The following SGCD variants were observed in gnomAD, a reference collection of about 807,000 sequenced individuals.
SGCD encodes the protein delta-sarcoglycan.
SGCD carries 18 observed loss-of-function variants against 36.6 expected under a neutral mutation model. The observed-to-expected ratio is 0.49, with a 90% CI of 0.34 to 0.73. The LOEUF (loss-of-function observed/expected upper bound fraction) is 0.73, where lower values mean the gene tolerates loss of function less well. Ranked by LOEUF, SGCD falls within the 30% of genes least tolerant of loss-of-function variation. The pLI is 0.01. For missense variants in SGCD, 387 were observed against 346.7 expected (o/e 1.12, Z -0.92); for synonymous variants, 133 against 130.6 (o/e 1.02, Z -0.12).
chr5:156,350,354 G>C (rs944177199), intron 3 of SGCD, among the ~76,000 whole-genome samples: 1 of 150,838 alleles, frequency 6.6e-6, no homozygotes, highest in South Asian at 2.1e-4. Flanking sequence ...ATTTGGGAAA[G>C]CTCACACTGT....
intron 3 of SGCD, among the ~76,000 whole-genome samples, chr5:156,293,114 C>T (rs2127679199): frequency 6.6e-6 from 1 of 151,808 alleles, no homozygotes; most frequent in East Asian, 1.9e-4. Context: ...GGCTGAAGTG[C>T]AGTGGCTATT....
At chr5:155,811,194 T>A in the SGCD span, among the ~76,000 whole-genome samples, 1 of 152,112 alleles carries the variant, frequency 6.6e-6, no homozygotes, top group Non-Finnish European at 1.5e-5. Context: ...GATCATTATG[T>A]TTTCCCAAAA....
intron 3 of SGCD, among the ~76,000 whole-genome samples, chr5:156,239,456 T>A (rs1337698871): frequency 1.3e-5 from 2 of 149,526 alleles, no homozygotes; most frequent in Admixed American, 1.3e-4. Context: ...AATAGTATAG[T>A]GCAAAGTAGT....
intron 6 of SGCD, among the ~76,000 whole-genome samples, chr5:156,627,887 G>GC (rs890434161): frequency 6.6e-6 from 1 of 152,126 alleles, no homozygotes; most frequent in African/African-American, 2.4e-5. Flanking sequence ...TGGAAAGACT[G>GC]CCCCATCACC....
chr5:156,146,765 A>C (rs1386779665), intron 3 of SGCD, among the ~76,000 whole-genome samples: 1 of 152,254 alleles, frequency 6.6e-6, no homozygotes, highest in Non-Finnish European at 1.5e-5. Context: ...AGAGAGTTAA[A>C]GTACAGAGCC....
chr5:156,098,652 AC>A (rs1761441634), intron 1 of SGCD, among the ~76,000 whole-genome samples: 1 of 152,000 alleles, frequency 6.6e-6, no homozygotes, highest in African/African-American at 2.4e-5. Context: ...ACACACACAC[AC>A]ACACACACAC....
chr5:156,260,034 C>T (rs1490413185), intron 3 of SGCD, among the ~76,000 whole-genome samples: 1 of 152,084 alleles, frequency 6.6e-6, no homozygotes, highest in Non-Finnish European at 1.5e-5. Context: ...CAATTTAGTT[C>T]ATTTGCTGTA....
At chr5:156,253,901 A>G (rs1213532145) in intron 3 of SGCD, among the ~76,000 whole-genome samples, 2 of 152,196 alleles carry the variant, frequency 1.3e-5, no homozygotes, top group Non-Finnish European at 2.9e-5. Context: ...TTTTCTTGGA[A>G]TGTTAAGTTG....
intron 1 of SGCD, among the ~76,000 whole-genome samples, chr5:156,022,300 A>G (rs80274562): frequency 6.6e-6 from 1 of 152,186 alleles, no homozygotes; most frequent in East Asian, 1.9e-4. Flanking sequence ...GCTTCTAAAA[A>G]TACCTCACAG....
intron 3 of SGCD, among the ~76,000 whole-genome samples, chr5:156,449,587 T>G (rs1240105424): frequency 6.7e-6 from 1 of 150,258 alleles, no homozygotes; most frequent in Non-Finnish European, 1.5e-5. Context: ...ATCCCAGTAC[T>G]TTGGGTGGCG....
chr5:155,751,736 A>C, the SGCD span, among the ~76,000 whole-genome samples: 6 of 151,970 alleles, frequency 3.9e-5, no homozygotes, highest in East Asian at 1.2e-3. Context: ...AAAAAGAAAA[A>C]CACACACATT....
chr5:156,546,662 A>G (rs527430399), intron 4 of SGCD, among the ~76,000 whole-genome samples: 1 of 152,330 alleles, frequency 6.6e-6, no homozygotes, highest in Admixed American at 6.5e-5. Context: ...GCTTTATGGA[A>G]TAAATGAAAT....
the SGCD span, among the ~76,000 whole-genome samples, chr5:155,831,428 A>G: frequency 1.3e-5 from 2 of 152,246 alleles, no homozygotes; most frequent in Admixed American, 1.3e-4. Flanking sequence ...TGCTGATTAA[A>G]TAGTGGGAAA....
intron 6 of SGCD, among the ~76,000 whole-genome samples, chr5:156,644,213 G>A (rs1353252256): frequency 6.6e-6 from 1 of 152,114 alleles, no homozygotes; most frequent in Non-Finnish European, 1.5e-5. Context: ...TTTCACGGAT[G>A]CTATTTGCTG....
chr5:156,471,426 G>A lies in SGCD; in HGVS notation c.193-37175G>A, dbSNP rs114890337. 8.7e-3 allele frequency among the ~76,000 whole-genome samples: 1,326 copies of A among 152,230 alleles called. 10 individuals carry two copies. Among genetic ancestry groups the A allele is most frequent in the African/African-American group, 0.03 (1,237 of 41,572 alleles). On this transcript the variant is annotated intron_variant, in intron 3 of 8. Transcript: ENST00000337851. ...TCTAAAGAATTAAGATAGGTATGAT[G>A]TTGGCAAAAGAACTAATAAATTGAA...
In SGCD at chr5:156,595,587, T is replaced by C. The variant is rs116248436; in HGVS notation, c.502+536T>C. ...AAATTTCTCAAGCTGTCAAGTCTTTTTGGCACATCTTTCAACACTGAGCTT... is the reference window on the plus strand; with the variant it reads ...AAATTTCTCAAGCTGTCAAGTCTTTCTGGCACATCTTTCAACACTGAGCTT... On this transcript the variant is annotated intron_variant, in intron 6 of 8. Coordinates refer to ENST00000337851, the MANE Select transcript of SGCD (RefSeq NM_000337.6). Among the ~76,000 whole-genome samples the C allele has an allele frequency of 4.2e-3, 636 of 152,312 alleles. 1 individual carries two copies. Among genetic ancestry groups the C allele is most frequent in the Non-Finnish European group, 7.8e-3 (529 of 68,028 alleles).
intron 1 of SGCD, among the ~76,000 whole-genome samples, chr5:156,051,233 A>G (rs1431390909): frequency 6.8e-6 from 1 of 146,236 alleles, no homozygotes; most frequent in Non-Finnish European, 1.5e-5. Context: ...ATTTTCCCAG[A>G]GAAGTTTGAA....
In SGCD at chr5:156,760,975, T is replaced by C. The variant is rs1757489521; in HGVS notation, c.*1585T>C. The C allele has an allele frequency of 2.0e-5, 3 of 152,246 alleles. No homozygotes were observed. The highest frequency in any genetic ancestry group is 7.2e-5 in the African/African-American group (3 of 41,444). The allele number at this position is 152,246 out of a possible 1,614,324, so 9.4% of individuals were successfully genotyped here. Reference sequence around the variant, plus strand: ...AAAGAGCCCAGAATGAACTCATCACTGGCTTAGACAGTCCTGGATGCCATT... The same window carrying C: ...AAAGAGCCCAGAATGAACTCATCACCGGCTTAGACAGTCCTGGATGCCATT... On this transcript the variant is annotated 3_prime_UTR_variant, in exon 9 of 9. Transcript: ENST00000337851.
intron 3 of SGCD, among the ~76,000 whole-genome samples, chr5:156,413,093 G>A (rs1005134292): frequency 7.9e-5 from 12 of 151,678 alleles, no homozygotes; most frequent in East Asian, 1.9e-4. Flanking sequence ...CACCGCGCCC[G>A]GCCGCAGGGT....
Sources: allele counts gnomAD v4.1 joint callset (sites outside exome capture counted in the v4.1 genomes callset), GRCh38; gene constraint gnomAD v4.1.1; transcripts MANE v1.5; gene names NCBI Gene and HGNC (gene_info 2026-07-23, HGNC 2026-07-21).